The following SHANK2 variants were observed in gnomAD, a reference collection of about 807,000 sequenced individuals.
SHANK2 encodes the protein SH3 and multiple ankyrin repeat domains protein 2.
In SHANK2, 43 loss-of-function variants were observed where a neutral mutation model predicts 133.7. The observed-to-expected ratio is 0.32, with a 90% confidence interval of 0.25 to 0.41. The LOEUF (loss-of-function observed/expected upper bound fraction) is 0.41, where lower values mean the gene tolerates loss of function less well. Ranked by LOEUF, SHANK2 falls within the 10% of genes least tolerant of loss-of-function variation. The pLI, the probability that SHANK2 is intolerant of heterozygous loss-of-function variation, is 1.00. For synonymous variants in SHANK2, 1,017 were observed against 952.8 expected (o/e 1.07, Z -1.24); for missense variants, 1,994 against 2,235.8 (o/e 0.89, Z 2.18).
At chr11:70,646,229 C>T (rs2061259044) in intron 17 of SHANK2, 1 of 152,208 alleles carries the variant, frequency 6.6e-6, no homozygotes, top group Non-Finnish European at 1.5e-5. Context: ...AGATCGTTTC[C>T]CTTCCCAGCT....
chr11:70,821,143 C>G (rs1555055875), intron 11 of SHANK2, among the ~76,000 whole-genome samples: 1 of 152,152 alleles, frequency 6.6e-6, no homozygotes, highest in Non-Finnish European at 1.5e-5. Flanking sequence ...GTCCTAAACC[C>G]CAGTTTTCAA....
chr11:70,887,249 C>T (rs549148407), intron 11 of SHANK2, among the ~76,000 whole-genome samples: 1 of 150,164 alleles, frequency 6.7e-6, no homozygotes, highest in Non-Finnish European at 1.5e-5. Flanking sequence ...TTTACTTGGC[C>T]GGCTAAACAC....
intron 10 of SHANK2, chr11:70,943,039 T>G (rs1281969039): frequency 2.2e-6 from 1 of 456,620 alleles, no homozygotes; most frequent in Admixed American, 2.4e-5. Flanking sequence ...CAGCAAGTAC[T>G]GTGGGAATCA....
chr11:71,107,197 G>A (rs782189373), intron 6 of SHANK2, among the ~76,000 whole-genome samples: 64 of 152,122 alleles, frequency 4.2e-4, no homozygotes, highest in African/African-American at 1.4e-3. Context: ...ACCTCTATGC[G>A]TGGTCACCAT....
At chr11:70,582,124 C>G (rs1245135679) in intron 17 of SHANK2, among the ~76,000 whole-genome samples, 1 of 152,214 alleles carries the variant, frequency 6.6e-6, no homozygotes, top group Non-Finnish European at 1.5e-5. Context: ...AGCAGACAGA[C>G]CCAGGGCGGA....
intron 17 of SHANK2, among the ~76,000 whole-genome samples, chr11:70,596,205 C>T (rs1041948949): frequency 1.3e-5 from 2 of 152,230 alleles, no homozygotes; most frequent in Non-Finnish European, 2.9e-5. Context: ...GAGCCCCCTT[C>T]CCCGCCTGCT....
intron 17 of SHANK2, among the ~76,000 whole-genome samples, chr11:70,605,596 C>T (rs1410208565): frequency 6.6e-6 from 1 of 152,216 alleles, no homozygotes; most frequent in Non-Finnish European, 1.5e-5. Context: ...CTCTACTGAC[C>T]GCTCAGTGAA....
At chr11:70,754,913 G>C (rs931121039) in intron 14 of SHANK2, among the ~76,000 whole-genome samples, 1 of 152,102 alleles carries the variant, frequency 6.6e-6, no homozygotes, top group Non-Finnish European at 1.5e-5. Flanking sequence ...GAGAGACATC[G>C]ATTACAGGGA....
At chr11:71,059,817 T>C (rs923738252) in intron 9 of SHANK2, among the ~76,000 whole-genome samples, 4 of 152,200 alleles carry the variant, frequency 2.6e-5, no homozygotes, top group Non-Finnish European at 5.9e-5. Flanking sequence ...TCGGTGACTG[T>C]GGCCAGCTTT....
intron 14 of SHANK2, among the ~76,000 whole-genome samples, chr11:70,791,553 C>A (rs782765223): frequency 6.6e-6 from 1 of 152,192 alleles, no homozygotes; most frequent in Non-Finnish European, 1.5e-5. Flanking sequence ...ACTCTTCATA[C>A]GCATCATCTC....
intron 2 of SHANK2, among the ~76,000 whole-genome samples, chr11:71,202,241 A>G (rs572673491): frequency 5.7e-4 from 87 of 152,184 alleles, no homozygotes; most frequent in Non-Finnish European, 8.5e-4. Context: ...CTCAGAGGCC[A>G]CTGGTTCCCC....
At chr11:70,900,762 C>G (rs1555076585) in intron 10 of SHANK2, among the ~76,000 whole-genome samples, 1 of 152,194 alleles carries the variant, frequency 6.6e-6, no homozygotes, top group African/African-American at 2.4e-5. Flanking sequence ...TCCTGCCTGT[C>G]CTCTGGCACT....
At chr11:70,872,754 G>A (rs1555070440) in intron 11 of SHANK2, among the ~76,000 whole-genome samples, 2 of 152,116 alleles carry the variant, frequency 1.3e-5, no homozygotes, top group Admixed American at 1.3e-4. Context: ...CTGACCACTT[G>A]AAAACTGATG....
At chr11:70,730,651 G>A (rs1194076934) in intron 14 of SHANK2, among the ~76,000 whole-genome samples, 1 of 152,046 alleles carries the variant, frequency 6.6e-6, no homozygotes, top group East Asian at 1.9e-4. Context: ...CCAGGCTCCT[G>A]GCCAGGCCAG....
intron 10 of SHANK2, among the ~76,000 whole-genome samples, chr11:70,941,192 T>C (rs185717400): frequency 6.6e-6 from 1 of 152,314 alleles, no homozygotes; most frequent in Non-Finnish European, 1.5e-5. Context: ...CCTATGTGTA[T>C]ACAGTGGATA....
chr11:70,486,590 T>C lies in SHANK2; in HGVS notation c.3703A>G (p.Lys1235Glu). 6.2e-7 allele frequency: 1 copy of C among 1,613,950 alleles called. No homozygotes were observed. The highest frequency in any genetic ancestry group is 8.5e-7 in the Non-Finnish European group (1 of 1,180,030). The change falls in exon 25 of 26, where the codon AAA becomes GAA. Residue 1235 changes from lysine (K) to glutamate (E), a missense_variant. Coordinates refer to ENST00000601538, the MANE Select transcript of SHANK2 (RefSeq NM_012309.5). The surrounding 1 kb of genome is among the most constrained non-coding windows in gnomAD (Gnocchi z 8.0). The stretch of plus-strand genomic sequence containing the variant: ...AGGTCGGCCTTGGGGGCCTCCCCTT[T>C]GGGTCCCTGTTGAGACTCCTTCATG... ...RAMKESQQGP[K>E]GEAPKADLNK... is the part of the protein sequence containing the mutation.
intron 14 of SHANK2, among the ~76,000 whole-genome samples, chr11:70,795,889 G>A (rs1555049051): frequency 6.6e-6 from 1 of 152,212 alleles, no homozygotes; most frequent in Admixed American, 6.5e-5. Context: ...AAGGAATGCA[G>A]CCCTGCTGAT....
intron 17 of SHANK2, among the ~76,000 whole-genome samples, chr11:70,637,590 G>A (rs761355403): frequency 6.6e-6 from 1 of 152,202 alleles, no homozygotes; most frequent in Non-Finnish European, 1.5e-5. Flanking sequence ...ACTGCAGAGA[G>A]GGTGTGACCC....
intron 17 of SHANK2, among the ~76,000 whole-genome samples, chr11:70,550,819 G>A (rs1338035888): frequency 1.3e-5 from 2 of 152,206 alleles, no homozygotes; most frequent in Non-Finnish European, 2.9e-5. Flanking sequence ...CTCCAGGAGG[G>A]CCCAGAGGTG....
Sources: gnomAD v4.1 joint callset for allele counts (sites outside exome capture counted in the v4.1 genomes callset) on GRCh38, gnomAD v4.1.1 for gene constraint, Gnocchi (gnomAD v3.1) non-coding constraint, MANE v1.5 for transcripts, NCBI Gene and HGNC (gene_info 2026-07-23, HGNC 2026-07-21) for gene names.